ULK4: variants seen among roughly 807,000 people sequenced by gnomAD.
The protein encoded by ULK4 is unc-51 like kinase 4, also known as inactive serine/threonine-protein kinase ULK4.
In ULK4, 133 loss-of-function variants were observed where a neutral mutation model predicts 160.6. That is an observed-to-expected ratio of 0.83 (90% confidence interval 0.72 to 0.96). The LOEUF is 0.96. Ranked by LOEUF, ULK4 falls within the 40% of genes least tolerant of loss-of-function variation. The pLI, the probability that ULK4 is intolerant of heterozygous loss-of-function variation, is 0.00. For missense variants in ULK4, 1,580 were observed against 1,499.5 expected (o/e 1.05, Z -0.89); for synonymous variants, 534 against 539.8 (o/e 0.99, Z 0.15).
intron 35 of ULK4, among the ~76,000 whole-genome samples, chr3:41,314,633 A>G (rs2080113594): frequency 6.6e-6 from 1 of 152,224 alleles, no homozygotes; most frequent in African/African-American, 2.4e-5. Flanking sequence ...AAATAATGGT[A>G]GTGGTAATAG....
intron 29 of ULK4, among the ~76,000 whole-genome samples, chr3:41,672,811 C>T (rs1313086538): frequency 6.6e-6 from 1 of 152,022 alleles, no homozygotes; most frequent in Admixed American, 6.6e-5. Flanking sequence ...CACATGTGCC[C>T]ATAAGTATGT....
intron 21 of ULK4, among the ~76,000 whole-genome samples, chr3:41,781,253 T>C (rs1249624148): frequency 2.0e-5 from 3 of 151,938 alleles, no homozygotes; most frequent in African/African-American, 7.3e-5. Context: ...CTGTCTCTAC[T>C]AAAAATACAA....
intron 7 of ULK4, among the ~76,000 whole-genome samples, chr3:41,916,986 G>GT (rs1295885436): frequency 6.6e-6 from 1 of 152,096 alleles, no homozygotes; most frequent in Non-Finnish European, 1.5e-5. Flanking sequence ...AGGATTACAG[G>GT]TGTGTGCCAC....
rs142041112 is a variant in ULK4 at position 41,596,000 on chromosome 3, A to G, written c.3120+19669T>C. ...AAAGAGAGTCAGAGAAATTAACAAC[A>G]GCAGAAGACCTTACAAAGGCAAGAA... is the stretch of plus-strand genomic sequence containing the variant. On this transcript the variant is annotated intron_variant, in intron 31 of 36. Coordinates refer to ENST00000301831, the MANE Select transcript of ULK4 (RefSeq NM_017886.4). 3.8e-3 allele frequency among the ~76,000 whole-genome samples: 584 copies of G among 152,350 alleles called. 3 individuals carry two copies. Among genetic ancestry groups the G allele is most frequent in the African/African-American group, 0.013 (542 of 41,574 alleles).
chr3:41,814,849 T>C (rs1436821803), intron 19 of ULK4, among the ~76,000 whole-genome samples: 2 of 152,032 alleles, frequency 1.3e-5, no homozygotes, highest in African/African-American at 4.8e-5. Flanking sequence ...TCTCTTTCAG[T>C]CTTTCTATAA....
At chr3:41,350,602 A>G (rs1375559531) in intron 35 of ULK4, among the ~76,000 whole-genome samples, 1 of 152,210 alleles carries the variant, frequency 6.6e-6, no homozygotes, top group African/African-American at 2.4e-5. Context: ...CAGCAACTCC[A>G]GAATCATCTA....
intron 20 of ULK4, among the ~76,000 whole-genome samples, chr3:41,791,120 GA>G (rs1468254672): frequency 6.6e-6 from 1 of 152,042 alleles, no homozygotes; most frequent in Non-Finnish European, 1.5e-5. Context: ...AAACATCTTA[GA>G]AAAAAATTAA....
chr3:41,455,632 G>A, intron 33 of ULK4, 37 bp from the exon 34 acceptor site: 1 of 1,603,656 alleles, frequency 6.2e-7, no homozygotes, highest in Non-Finnish European at 8.5e-7. Flanking sequence ...GACGGTCTTG[G>A]TGATTAGTCA....
In ULK4 at chr3:41,641,185, A is replaced by G. The variant is rs189072670; in HGVS notation, c.3071+22422T>C. On this transcript the variant is annotated intron_variant, in intron 30 of 36. Transcript: ENST00000301831. ...CAATATCCATTGTCACCCTCCTGTGAAATCTTCTCTGGGCAAATCAGCCCT... is the reference window on the plus strand; with the variant it reads ...CAATATCCATTGTCACCCTCCTGTGGAATCTTCTCTGGGCAAATCAGCCCT... Among the ~76,000 whole-genome samples the G allele has an allele frequency of 2.2e-3, 333 of 152,318 alleles. 2 individuals are homozygous for G. Among genetic ancestry groups the G allele is most frequent in the South Asian group, 4.1e-3 (20 of 4,820 alleles).
intron 5 of ULK4, among the ~76,000 whole-genome samples, chr3:41,928,832 T>C (rs147290903): frequency 0.046 from 7,019 of 152,114 alleles, 484 homozygotes; most frequent in African/African-American, 0.16. Context: ...AGTTCTGAAA[T>C]TGAGGCAGTA....
intron 32 of ULK4, among the ~76,000 whole-genome samples, chr3:41,487,666 A>G (rs1001935078): frequency 3.9e-5 from 6 of 152,152 alleles, no homozygotes; most frequent in African/African-American, 7.2e-5. Context: ...TCTACACTTC[A>G]TATCATTCAT....
chr3:41,597,184 G>A (rs1575466196), intron 31 of ULK4, among the ~76,000 whole-genome samples: 1 of 152,078 alleles, frequency 6.6e-6, no homozygotes, highest in South Asian at 2.1e-4. Context: ...GGAGCATAAT[G>A]GAAAAATCTC....
intron 35 of ULK4, among the ~76,000 whole-genome samples, chr3:41,381,540 A>G (rs917921370): frequency 6.6e-6 from 1 of 152,192 alleles, no homozygotes; most frequent in African/African-American, 2.4e-5. Context: ...GTGTTGTCTT[A>G]GGCCAAAATT....
At position 41,875,699 on chromosome 3, in the gene ULK4, A is replaced by C. The variant is rs371365863; in HGVS notation, c.1656+8175T>G. ...TTAATGACAATTAATACAATGATTA[A>C]CATTTCCTGAATGTTTTTTTTTAGA... On this transcript the variant is annotated intron_variant, in intron 17 of 36. Transcript: ENST00000301831. Among the ~76,000 whole-genome samples, 329 of 148,174 alleles carry C rather than the reference A, an allele frequency of 2.2e-3. 2 individuals are homozygous for C. The highest frequency in any genetic ancestry group is 7.9e-3 in the African/African-American group (314 of 39,716).
chr3:41,708,024 G>A lies in ULK4; in HGVS notation c.2635-2719C>T, dbSNP rs368050294. Among the ~76,000 whole-genome samples the A allele has an allele frequency of 1.4e-4, 22 of 152,038 alleles. No individual in the cohort carries two copies. The East Asian group carries it at 2.9e-3, about 20-fold the overall frequency. On this transcript the variant is annotated intron_variant, in intron 25 of 36. Coordinates refer to ENST00000301831, the MANE Select transcript of ULK4 (RefSeq NM_017886.4). ...AAGATAAAAGATAACAAGGACCAGT[G>A]AGGATGTATAGAAAAGGGAACTCTT...
At chr3:41,616,740 G>T (rs995253667) in intron 30 of ULK4, among the ~76,000 whole-genome samples, 1 of 152,184 alleles carries the variant, frequency 6.6e-6, no homozygotes, top group Non-Finnish European at 1.5e-5. Flanking sequence ...AGCGGCAGGA[G>T]TGTTTTTTCA....
chr3:41,591,727 T>G (rs1359111392), intron 31 of ULK4, among the ~76,000 whole-genome samples: 6 of 152,198 alleles, frequency 3.9e-5, no homozygotes, highest in Non-Finnish European at 8.8e-5. Context: ...TCACAACATA[T>G]GTATAAGTAA....
At chr3:41,435,267 T>C (rs1355871594) in intron 34 of ULK4, among the ~76,000 whole-genome samples, 2 of 152,194 alleles carry the variant, frequency 1.3e-5, no homozygotes, top group African/African-American at 4.8e-5. Flanking sequence ...AAGAAATGAA[T>C]CTCACATCTC....
At chr3:41,398,801 ATTATT>A (rs1266548219) in intron 34 of ULK4, among the ~76,000 whole-genome samples, 1 of 151,876 alleles carries the variant, frequency 6.6e-6, no homozygotes, top group African/African-American at 2.4e-5. Flanking sequence ...AGTTTTTTTT[ATTATT>A]TTATTTTTAT....
Sources: allele counts gnomAD v4.1 joint callset (sites outside exome capture counted in the v4.1 genomes callset), GRCh38; gene constraint gnomAD v4.1.1; transcripts MANE v1.5; gene names NCBI Gene and HGNC (gene_info 2026-07-23, HGNC 2026-07-21).